Variants in CHAMP1 observed in about 807,000 individuals in gnomAD.
CHAMP1 encodes the protein chromosome alignment maintaining phosphoprotein 1, also known as chromosome alignment-maintaining phosphoprotein 1.
In CHAMP1, 4 loss-of-function variants were observed where a neutral mutation model predicts 54.5. The observed-to-expected ratio is 0.07, with a 90% CI of 0.04 to 0.17. The LOEUF is 0.17. CHAMP1 is among the 10% of genes least tolerant of loss of function. The probability of loss-of-function intolerance (pLI) is 1.00; values close to 1 mark genes in which losing one functional copy is unlikely to be tolerated. For missense variants in CHAMP1, 994 were observed against 968.6 expected, an observed-to-expected ratio of 1.03 and a Z score of -0.35; for synonymous variants, 368 against 342.2, an observed-to-expected ratio of 1.08 and a Z score of -0.83.
chr13:114,314,704 G>C (rs1194582923), intron 1 of CHAMP1, 61 bp downstream of exon 1: 1 of 152,228 alleles, frequency 6.6e-6, no homozygotes, highest in Non-Finnish European at 1.5e-5. Context: ...CGAGCCCCGT[G>C]TCGGCCGCCG....
intron 2 of CHAMP1, chr13:114,322,364 GTAAT>G (rs1373870578): frequency 2.6e-5 from 4 of 152,056 alleles, no homozygotes; most frequent in African/African-American, 9.7e-5. Flanking sequence ...TAATGGTTTT[GTAAT>G]TAATAAAGGG....
intron 1 of CHAMP1, among the ~76,000 whole-genome samples, chr13:114,316,514 T>G (rs1242963414): frequency 6.6e-6 from 1 of 151,164 alleles, no homozygotes; most frequent in Non-Finnish European, 1.5e-5. Flanking sequence ...CGCTTGAACC[T>G]GGGAGGTGGA....
chr13:114,325,525 T>C lies in CHAMP1; in HGVS notation c.1683T>C (p.Pro561=), dbSNP rs144530612. 1.1e-4 allele frequency: 175 copies of C among 1,614,054 alleles called. No homozygotes were observed. Among genetic ancestry groups the C allele is most frequent in the Non-Finnish European group, 1.4e-4 (170 of 1,180,046 alleles). ...AGCCCCGGAAGCATGCCCTTTTCCC[T>C]GAACTCCCCAAATCTGCTCTATTCT... The part of the protein sequence containing the change: ...FPEPRKHALF[P]ELPKSALFSE... Residue 561 remains proline (P), a synonymous_variant, in exon 3 of 3, where the codon CCT becomes CCC. Coordinates refer to ENST00000361283, the MANE Select transcript of CHAMP1 (RefSeq NM_032436.4).
In CHAMP1 at chr13:114,324,038, A is replaced by G. The variant is rs781942990; in HGVS notation, c.196A>G (p.Lys66Glu). 1.4e-5 allele frequency: 22 copies of G among 1,614,090 alleles called. No individual in the cohort carries two copies. Among genetic ancestry groups the G allele is most frequent in the Non-Finnish European group, 1.7e-5 (20 of 1,180,036 alleles). ...QKSAKLFHCH[K>E]CFFTSKMYSN... The stretch of plus-strand genomic sequence containing the variant: ...AAGTGCAAAGTTATTTCACTGCCAT[A>G]AATGCTTCTTCACCAGCAAGATGTA... The change falls in exon 3 of 3, where the codon AAA (lysine) becomes GAA (glutamate). Residue 66 changes from lysine to glutamate, a missense_variant. Transcript: ENST00000361283.
At chr13:114,316,618 C>G (rs1198207031) in intron 1 of CHAMP1, among the ~76,000 whole-genome samples, 1 of 151,926 alleles carries the variant, frequency 6.6e-6, no homozygotes, top group South Asian at 2.1e-4. Flanking sequence ...AAAAATGACT[C>G]CTTGTGTAAA....
chr13:114,325,224 C>T lies in CHAMP1; in HGVS notation c.1382C>T (p.Ala461Val), dbSNP rs782561524. 4.3e-6 allele frequency: 7 copies of T among 1,614,176 alleles called. No homozygotes were observed. The highest frequency in any genetic ancestry group is 2.2e-5 in the East Asian group (1 of 44,894). ...CCTGATCAGCGGAAAACTTCTCCTG[C>T]TTCACTTGATTTCCCTGAGTCCCAG... The part of the protein sequence containing the change: ...LSPDQRKTSP[A>V]SLDFPESQKS... Residue 461 changes from alanine to valine, a missense_variant, in exon 3 of 3, where the codon GCT (alanine) becomes GTT (valine). By Grantham distance (64) the Ala-to-Val change is moderately conservative. Coordinates refer to ENST00000361283, the MANE Select transcript of CHAMP1 (RefSeq NM_032436.4).
intron 2 of CHAMP1, chr13:114,323,382 A>G (rs1200966299): frequency 6.5e-6 from 1 of 154,146 alleles, no homozygotes; most frequent in East Asian, 1.9e-4. Context: ...TTTAATTTTG[A>G]TATTCACTCA....
Position 114,319,809 on chromosome 13 carries a change from G to A in CHAMP1, c.-178-1301G>A, listed in dbSNP as rs564016124. ...GGATGAAGGAGTTTGCCTGATGGCC[G>A]GGTGGCAAGACAGGGAGTGTAAAGG... On this transcript the variant is annotated intron_variant, in intron 1 of 2. Coordinates refer to ENST00000361283, the MANE Select transcript of CHAMP1 (RefSeq NM_032436.4). 1.6e-4 allele frequency among the ~76,000 whole-genome samples: 24 copies of A among 152,308 alleles called. No homozygotes were observed. In the South Asian group the frequency reaches 2.9e-3, roughly 18 times the overall value.
In CHAMP1 at chr13:114,325,448, A is replaced by C. The variant is rs782472029; in HGVS notation, c.1606A>C (p.Lys536Gln). The C allele has an allele frequency of 8.7e-6, 14 of 1,614,000 alleles. No individual in the cohort carries two copies. Among genetic ancestry groups the C allele is most frequent in the African/African-American group, 2.7e-5 (2 of 74,896 alleles). ...RKPALFPEPA[K>Q]TAPPASPEAR... Reference sequence around the variant, plus strand: ...ACCTGCCCTGTTTCCCGAGCCTGCCAAAACAGCCCCTCCTGCTTCTCCAGA... The same window carrying C: ...ACCTGCCCTGTTTCCCGAGCCTGCCCAAACAGCCCCTCCTGCTTCTCCAGA... Residue 536 changes from lysine to glutamine, a missense_variant, in exon 3 of 3, where the codon AAA (lysine) becomes CAA (glutamine). Around this residue, in one of 3 missense-constraint regions of CHAMP1, gnomAD observed 851 missense variants for 701.3 expected, o/e 1.21. Coordinates refer to ENST00000361283, the MANE Select transcript of CHAMP1 (RefSeq NM_032436.4).
Position 114,318,941 on chromosome 13 carries a change from G to A in CHAMP1, c.-178-2169G>A, listed in dbSNP as rs148284949. Among the ~76,000 whole-genome samples the A allele has an allele frequency of 2.9e-3, 417 of 145,666 alleles. 1 individual carries two copies. Among genetic ancestry groups the A allele is most frequent in the African/African-American group, 0.01 (406 of 38,890 alleles). ...TAAAGTGTCCTTCCTGCCCAGAGCT[G>A]GGGACAGTGATCCACTGGAATAGTG... On this transcript the variant is annotated intron_variant, in intron 1 of 2. Coordinates refer to ENST00000361283, the MANE Select transcript of CHAMP1 (RefSeq NM_032436.4).
chr13:114,326,291 G>GTGAA lies in CHAMP1; in HGVS notation c.*12_*15dup. 6.5e-7 allele frequency: 1 copy of GTGAA among 1,549,942 alleles called. No homozygotes were observed. The highest frequency in any genetic ancestry group is 8.7e-7 in the Non-Finnish European group (1 of 1,152,392). ...GGAGCAGCAAATTTGATAACACAGT[G>GTGAA]TGAATATTTGTTCTACAAAGGTGTT... On this transcript the variant is annotated 3_prime_UTR_variant, in exon 3 of 3. Coordinates refer to ENST00000361283, the MANE Select transcript of CHAMP1 (RefSeq NM_032436.4).
chr13:114,324,255 G>T lies in CHAMP1; in HGVS notation c.413G>T (p.Gly138Val), dbSNP rs898434882. ...PALSMETQKL[G>V]SVLSPESPKP... ...CTTTCAATGGAAACACAGAAACTTG[G>T]TTCAGTTTTGTCTCCAGAATCGCCA... is the stretch of plus-strand genomic sequence containing the variant. The change falls in exon 3 of 3, where the codon GGT (glycine) becomes GTT (valine). Residue 138 changes from glycine to valine, a missense_variant. Coordinates refer to ENST00000361283, the MANE Select transcript of CHAMP1 (RefSeq NM_032436.4). 3 of 1,613,946 alleles carry T rather than the reference G, an allele frequency of 1.9e-6. No individual in the cohort carries two copies. The highest frequency in any genetic ancestry group is 1.6e-4 in the Middle Eastern group (1 of 6,084).
intron 1 of CHAMP1, among the ~76,000 whole-genome samples, chr13:114,315,843 T>G (rs1026892643): frequency 9.2e-5 from 14 of 151,672 alleles, no homozygotes; most frequent in African/African-American, 3.1e-4. Context: ...TTGTTTTTTT[T>G]TTTTTTTTTG....
chr13:114,325,831 T>C lies in CHAMP1; in HGVS notation c.1989T>C (p.Ile663=), dbSNP rs372691599. 7.4e-6 allele frequency: 12 copies of C among 1,614,048 alleles called. No homozygotes were observed. The South Asian group carries it at 9.9e-5, about 13-fold the overall frequency. ...SDQEQVDVES[I]DFSKENKMDM... The stretch of plus-strand genomic sequence containing the variant: ...AAGAGCAGGTTGATGTGGAATCCAT[T>C]GATTTTAGCAAAGAGAACAAAATGG... The change falls in exon 3 of 3, where the codon ATT becomes ATC. Residue 663 remains isoleucine (I), a synonymous_variant. Coordinates refer to ENST00000361283, the MANE Select transcript of CHAMP1 (RefSeq NM_032436.4).
chr13:114,318,416 A>G (rs2087126478), intron 1 of CHAMP1, among the ~76,000 whole-genome samples: 1 of 150,902 alleles, frequency 6.6e-6, no homozygotes, highest in Non-Finnish European at 1.5e-5. Flanking sequence ...CCTGCCTCTC[A>G]GGCTCAGGCG....
At chr13:114,317,728 T>A (rs893646731) in intron 1 of CHAMP1, among the ~76,000 whole-genome samples, 1 of 152,186 alleles carries the variant, frequency 6.6e-6, no homozygotes, top group Non-Finnish European at 1.5e-5. Context: ...AATTTTAATT[T>A]AAAAAACTAT....
At chr13:114,319,182 T>G (rs529360791) in intron 1 of CHAMP1, among the ~76,000 whole-genome samples, 3 of 152,252 alleles carry the variant, frequency 2.0e-5, no homozygotes, top group African/African-American at 7.2e-5. Flanking sequence ...ATACTGATCA[T>G]TTGTCTGATT....
rs782568483 is a variant in CHAMP1 at position 114,325,699 on chromosome 13, C to G, written c.1857C>G (p.Leu619=). 2.5e-6 allele frequency: 4 copies of G among 1,613,574 alleles called. No homozygotes were observed. Among genetic ancestry groups the G allele is most frequent in the East Asian group, 2.2e-5 (1 of 44,898 alleles). Residue 619 remains leucine (L), a synonymous_variant, in exon 3 of 3, where the codon CTC becomes CTG. Transcript: ENST00000361283. ...CTTTATTTCCTTCCTCAAAGAAGCT[C>G]AAGAAAGACAACCAAGAGAGCTCAG... is the stretch of plus-strand genomic sequence containing the variant. ...EDTLFPSSKK[L]KKDNQESSDA... is the part of the protein sequence containing the mutation.
At chr13:114,316,000 C>T (rs1038095560) in intron 1 of CHAMP1, among the ~76,000 whole-genome samples, 2 of 151,682 alleles carry the variant, frequency 1.3e-5, no homozygotes, top group African/African-American at 2.4e-5. Context: ...CCACACCTGG[C>T]TAATTTTGTA....
Sources: gnomAD v4.1 joint callset for allele counts (sites outside exome capture counted in the v4.1 genomes callset) on GRCh38, gnomAD v4.1.1 for gene constraint, gnomAD v4.1.1 regional missense constraint, MANE v1.5 for transcripts, NCBI Gene and HGNC (gene_info 2026-07-23, HGNC 2026-07-21) for gene names.